The following TNFSF4 variants were observed in gnomAD, a reference collection of about 807,000 sequenced individuals.
The protein encoded by TNFSF4 is tumor necrosis factor ligand superfamily member 4.
A neutral mutation model predicts 7.3 loss-of-function variants in TNFSF4; 4 were observed. That is an observed-to-expected ratio of 0.55 (90% CI 0.27 to 1.25). The LOEUF (loss-of-function observed/expected upper bound fraction) is 1.25. TNFSF4 is among the 50% of genes most tolerant of loss of function. The probability of loss-of-function intolerance (pLI) is 0.12; values close to 1 mark genes in which losing one functional copy is unlikely to be tolerated. For missense variants in TNFSF4, 181 were observed against 208.8 expected, an observed-to-expected ratio of 0.87 and a Z score of 0.82; for synonymous variants, 76 against 83.7, an observed-to-expected ratio of 0.91 and a Z score of 0.50.
the TNFSF4 span, among the ~76,000 whole-genome samples, chr1:173,450,732 T>C: frequency 4.9e-5 from 2 of 40,528 alleles, no homozygotes; most frequent in Non-Finnish European, 9.5e-5. Flanking sequence ...AATCACTTCA[T>C]GATAAAAAAA....
chr1:173,364,379 G>GTATATATATA, the TNFSF4 span, among the ~76,000 whole-genome samples: 810 of 109,058 alleles, frequency 7.4e-3, 8 homozygotes, highest in East Asian at 0.036. Context: ...TGGGGTGTAT[G>GTATATATATA]TGTATATATA....
At chr1:173,325,170 G>T in the TNFSF4 span, among the ~76,000 whole-genome samples, 13 of 152,184 alleles carry the variant, frequency 8.5e-5, no homozygotes, top group Non-Finnish European at 1.5e-4. Context: ...CTATCTCTCA[G>T]ACCACAGTGC....
At chr1:173,208,875 A>G (rs934851736), upstream of TNFSF4, among the ~76,000 whole-genome samples, 1 of 151,800 alleles carries the variant, frequency 6.6e-6, no homozygotes, top group Non-Finnish European at 1.5e-5. Context: ...CATAAATACT[A>G]TTGGAAACTA....
At chr1:173,300,552 C>T in the TNFSF4 span, among the ~76,000 whole-genome samples, 1 of 151,830 alleles carries the variant, frequency 6.6e-6, no homozygotes, top group Non-Finnish European at 1.5e-5. Flanking sequence ...ATCTCACTGC[C>T]CAAATGGTAC....
chr1:173,361,629 C>CT, the TNFSF4 span, among the ~76,000 whole-genome samples: 7 of 151,292 alleles, frequency 4.6e-5, no homozygotes, highest in African/African-American at 7.3e-5. Flanking sequence ...GTAACACTTT[C>CT]TTTTTTTTTC....
chr1:173,185,056 C>T lies in TNFSF4; in HGVS notation c.*1460G>A, dbSNP rs1463697915. On this transcript the variant is annotated 3_prime_UTR_variant, in exon 3 of 3. Coordinates refer to ENST00000281834, the MANE Select transcript of TNFSF4 (RefSeq NM_003326.5). ...CAACTGAGACCATTTAGTGTAAGGG[C>T]GAACAGCCCTCCACCTTTCTGGAGA... The T allele has an allele frequency of 1.3e-5, 2 of 152,244 alleles. No homozygotes were observed. The highest frequency in any genetic ancestry group is 2.4e-5 in the African/African-American group (1 of 41,544). The allele number at this position is 152,244 out of a possible 1,614,324, so 9.4% of individuals were successfully genotyped here.
the TNFSF4 span, among the ~76,000 whole-genome samples, chr1:173,406,689 C>T: frequency 6.6e-6 from 1 of 152,198 alleles, no homozygotes; most frequent in African/African-American, 2.4e-5. Context: ...TTACCCTGGG[C>T]CCTGGGCTCT....
At chr1:173,205,753 A>C in intron 1 of TNFSF4, 1 of 202,738 alleles carries the variant, frequency 4.9e-6, no homozygotes, top group Non-Finnish European at 8.9e-6. Context: ...TGGACACCTT[A>C]CTCTTCCCCC....
At chr1:173,204,765 CTCAA>C (rs1287679151) in intron 1 of TNFSF4, among the ~76,000 whole-genome samples, 3 of 152,114 alleles carry the variant, frequency 2.0e-5, no homozygotes, top group African/African-American at 7.2e-5. Flanking sequence ...CACCCGATCC[CTCAA>C]TCAAACTTCC....
the TNFSF4 span, among the ~76,000 whole-genome samples, chr1:173,378,570 C>A: frequency 6.6e-6 from 1 of 152,168 alleles, no homozygotes; most frequent in African/African-American, 2.4e-5. Context: ...AATATTCTCT[C>A]TCTGATGGGG....
At chr1:173,326,807 C>T in the TNFSF4 span, among the ~76,000 whole-genome samples, 1 of 152,080 alleles carries the variant, frequency 6.6e-6, no homozygotes, top group African/African-American at 2.4e-5. Context: ...ATCCAACTTA[C>T]AAGGGATGTG....
the TNFSF4 span, among the ~76,000 whole-genome samples, chr1:173,244,658 C>CAAAAA: frequency 1.5e-5 from 2 of 135,948 alleles, no homozygotes; most frequent in Admixed American, 1.5e-4. Context: ...AAACAAAAAA[C>CAAAAA]AAAAAAAACA....
upstream of TNFSF4, among the ~76,000 whole-genome samples, chr1:173,208,459 A>G (rs915320637): frequency 6.6e-6 from 1 of 152,228 alleles, no homozygotes; most frequent in Non-Finnish European, 1.5e-5. Flanking sequence ...GCATACTTAA[A>G]AGAGAAAGTT....
chr1:173,441,335 GCTCCC>G, the TNFSF4 span, among the ~76,000 whole-genome samples: 1 of 151,244 alleles, frequency 6.6e-6, no homozygotes. Context: ...CTTCCTTATA[GCTCCC>G]CTCCCTTACC....
the TNFSF4 span, among the ~76,000 whole-genome samples, chr1:173,347,038 C>T: frequency 6.6e-6 from 1 of 152,212 alleles, no homozygotes; most frequent in Non-Finnish European, 1.5e-5. Context: ...ACGATATTTG[C>T]TAATTGACTT....
At chr1:173,374,759 A>C in the TNFSF4 span, among the ~76,000 whole-genome samples, 114 of 152,268 alleles carry the variant, frequency 7.5e-4, 2 homozygotes, top group East Asian at 0.021. Flanking sequence ...AGGACTATAT[A>C]CTGTGGCTCC....
intron 1 of TNFSF4, among the ~76,000 whole-genome samples, chr1:173,192,788 G>A (rs1448763301): frequency 1.3e-5 from 2 of 152,160 alleles, no homozygotes; most frequent in African/African-American, 4.8e-5. Flanking sequence ...TGGGAAAATT[G>A]CATTTATCTT....
chr1:173,446,358 C>T, the TNFSF4 span, among the ~76,000 whole-genome samples: 2 of 152,210 alleles, frequency 1.3e-5, no homozygotes, highest in Admixed American at 6.5e-5. Flanking sequence ...GAGTTAAAAA[C>T]ATATGTCCAC....
the TNFSF4 span, among the ~76,000 whole-genome samples, chr1:173,308,267 T>TTCTCTC: frequency 0.012 from 1,593 of 132,876 alleles, 26 homozygotes; most frequent in African/African-American, 0.042. Flanking sequence ...CTCTCTCTCT[T>TTCTCTC]TCTCTCTCTC....
Sources: allele counts gnomAD v4.1 joint callset (sites outside exome capture counted in the v4.1 genomes callset), GRCh38; gene constraint gnomAD v4.1.1; transcripts MANE v1.5; gene names NCBI Gene and HGNC (gene_info 2026-07-23, HGNC 2026-07-21).